SNRNP70: variants seen among roughly 807,000 people sequenced by gnomAD.
SNRNP70 encodes the protein small nuclear ribonucleoprotein U1 subunit 70.
In SNRNP70, 8 loss-of-function variants were observed where a neutral mutation model predicts 50.5. That is an observed-to-expected ratio of 0.16 (90% CI 0.09 to 0.29). The LOEUF (loss-of-function observed/expected upper bound fraction) is 0.29. SNRNP70 is among the 10% of genes least tolerant of loss of function. SNRNP70 has a pLI of 1.00. For missense variants in SNRNP70, 529 were observed against 663.5 expected (o/e 0.80, Z 2.23); for synonymous variants, 320 against 252.9 (o/e 1.27, Z -2.52).
intron 8 of SNRNP70, among the ~76,000 whole-genome samples, chr19:49,106,606 C>G (rs918687303): frequency 6.6e-6 from 1 of 152,128 alleles, no homozygotes; most frequent in Admixed American, 6.5e-5. Flanking sequence ...TCAGCCCTGC[C>G]TCACGGAAGC....
chr19:49,098,535 A>G, intron 5 of SNRNP70, 44 bp downstream of exon 5: 1 of 1,604,668 alleles, frequency 6.2e-7, no homozygotes. Flanking sequence ...CGCTGCTGAG[A>G]GCCTGGGTCT....
At chr19:49,096,909 C>T (rs1252654381) in intron 4 of SNRNP70, among the ~76,000 whole-genome samples, 1 of 151,972 alleles carries the variant, frequency 6.6e-6, no homozygotes, top group Non-Finnish European at 1.5e-5. Context: ...GAGGGCGGAT[C>T]ACCTGAGGTC....
Position 49,108,366 on chromosome 19 carries a change from A to T in SNRNP70, c.1237A>T (p.Met413Leu), listed in dbSNP as rs143538916. ...LEGLGNDSRD[M>L]YMESEGGDGY... ...GGGTCTGGGCAACGACAGCCGAGACATGTACATGGAGTCTGAGGGCGGCGA... is the reference window on the plus strand; with the variant it reads ...GGGTCTGGGCAACGACAGCCGAGACTTGTACATGGAGTCTGAGGGCGGCGA... Residue 413 changes from methionine (M) to leucine (L), a missense_variant, in exon 10 of 10, where the codon ATG becomes TTG. This residue lies in a region of SNRNP70 where 327 missense variants were observed against 308.8 expected (regional missense o/e 1.06). Transcript: ENST00000598441. 6.2e-7 allele frequency: 1 copy of T among 1,610,956 alleles called. No homozygotes were observed.
Position 49,107,522 on chromosome 19 carries a change from A to AGG in SNRNP70, c.578-100_578-99dup. ...GACCCGGCCCTGTGAACACTAAGCC[A>AGG]GGGGCTGCCTTCCTGCCCTTTGCTC... On this transcript the variant is annotated intron_variant, in intron 8 of 9. Transcript: ENST00000598441. This position sits in a 1 kb window ranked among gnomAD's most constrained non-coding sequence, Gnocchi z 6.0. 1 of 1,099,226 alleles carries AGG rather than the reference A, an allele frequency of 9.1e-7. No individual in the cohort carries two copies. The highest frequency in any genetic ancestry group is 1.4e-6 in the Non-Finnish European group (1 of 726,814). The allele number at this position is 1,099,226 out of a possible 1,614,324, so 68.1% of individuals were successfully genotyped here. A position where few individuals can be genotyped will look rare whatever the true frequency, so the allele number is the denominator to read the frequency against.
chr19:49,092,496 C>T (rs1444224825), intron 4 of SNRNP70, among the ~76,000 whole-genome samples: 1 of 151,770 alleles, frequency 6.6e-6, no homozygotes, highest in Non-Finnish European at 1.5e-5. Flanking sequence ...GCAACTTCCG[C>T]CTCCTGGGTT....
In SNRNP70 at chr19:49,085,474, G is replaced by A; in HGVS notation, c.-173G>A. On this transcript the variant is annotated 5_prime_UTR_variant, in exon 1 of 10. It adds an upstream start codon to the 5' untranslated region. Transcript: ENST00000598441. The stretch of plus-strand genomic sequence containing the variant: ...CCAGTCGCTATCGGAGGCCGCGCGG[G>A]TGGCTGAGCAGCGGCCTGGTGCGCT... The A allele has an allele frequency of 2.3e-6, 1 of 438,964 alleles. No homozygotes were observed. Among genetic ancestry groups the A allele is most frequent in the Admixed American group, 2.4e-5 (1 of 41,180 alleles). The allele number at this position is 438,964 out of a possible 1,614,324, so 27.2% of individuals were successfully genotyped here. A position where few individuals can be genotyped will look rare whatever the true frequency, so the allele number is the denominator to read the frequency against.
intron 7 of SNRNP70, 59 bp downstream of exon 7, chr19:49,101,530 G>GCCCCTCCCAGTATGT: frequency 8.2e-7 from 1 of 1,220,474 alleles, no homozygotes; most frequent in South Asian, 1.2e-5. Flanking sequence ...TGCTGCCCCA[G>GCCCCTCCCAGTATGT]CCCCTCCCAG....
chr19:49,091,221 T>C (rs916598482), intron 4 of SNRNP70, among the ~76,000 whole-genome samples: 1 of 151,748 alleles, frequency 6.6e-6, no homozygotes, highest in Non-Finnish European at 1.5e-5. Context: ...GTACAAAAAT[T>C]AGCTGGGCGT....
chr19:49,092,288 T>C (rs1208572148), intron 4 of SNRNP70, among the ~76,000 whole-genome samples: 2 of 151,488 alleles, frequency 1.3e-5, no homozygotes, highest in Non-Finnish European at 1.5e-5. Context: ...TTTGTATTTT[T>C]AGTAGAGGCG....
At position 49,108,217 on chromosome 19, in the gene SNRNP70, AGC is replaced by A; in HGVS notation, c.1090_1091del (p.Arg364AlafsTer7). The A allele has an allele frequency of 6.5e-7, 1 of 1,534,148 alleles. No individual in the cohort carries two copies. The highest frequency in any genetic ancestry group is 8.8e-7 in the Non-Finnish European group (1 of 1,139,616). On this transcript the variant is annotated frameshift_variant, in exon 10 of 10. Coordinates refer to ENST00000598441, the MANE Select transcript of SNRNP70 (RefSeq NM_003089.6). LOFTEE classifies it high-confidence loss of function. Reference sequence around the variant, plus strand: ...CGGCGGAGCCACCGGAGCGAGCGCGAGCGGCGCCGGGACCGGGATCGTGACCG... The same window carrying A: ...CGGCGGAGCCACCGGAGCGAGCGCGAGGCGCCGGGACCGGGATCGTGACCG...
chr19:49,093,539 C>T lies in SNRNP70; in HGVS notation c.265+3019C>T, dbSNP rs546018839. On this transcript the variant is annotated intron_variant, in intron 4 of 9. Transcript: ENST00000598441. ...GCTAAGAATACAAAAATTAGCCCGGCGTGGTGATGTGTACCTGTAATCCCA... is the reference window on the plus strand; with the variant it reads ...GCTAAGAATACAAAAATTAGCCCGGTGTGGTGATGTGTACCTGTAATCCCA... 1.6e-3 allele frequency among the ~76,000 whole-genome samples: 239 copies of T among 148,390 alleles called. 1 individual carries two copies. The highest frequency in any genetic ancestry group is 5.6e-3 in the African/African-American group (225 of 40,260).
At chr19:49,090,583 C>G in intron 4 of SNRNP70, 63 bp downstream of exon 4, 1 of 1,501,454 alleles carries the variant, frequency 6.7e-7, no homozygotes, top group Non-Finnish European at 9.3e-7. Context: ...CTTCCCAGGT[C>G]ATACCCAGGA....
At position 49,108,315 on chromosome 19, in the gene SNRNP70, G is replaced by T; in HGVS notation, c.1186G>T (p.Gly396Cys). The change falls in exon 10 of 10, where the codon GGC becomes TGC. Residue 396 changes from glycine to cysteine, a missense_variant. Physicochemically the swap from Gly to Cys is radical, Grantham distance 159. Coordinates refer to ENST00000598441, the MANE Select transcript of SNRNP70 (RefSeq NM_003089.6). ...ERGRDEARGGGGGQDNGLEGL... is the reference protein window; with the variant it reads ...ERGRDEARGGCGGQDNGLEGL... ...GGGCAGGGATGAGGCCCGAGGTGGG[G>T]GCGGTGGCCAGGACAACGGGCTGGA... 1 of 1,592,530 alleles carries T rather than the reference G, an allele frequency of 6.3e-7. No individual in the cohort carries two copies. The highest frequency in any genetic ancestry group is 8.5e-7 in the Non-Finnish European group (1 of 1,170,380).
At chr19:49,101,337 G>A in intron 6 of SNRNP70, 53 bp from the exon 7 acceptor site, 1 of 1,394,374 alleles carries the variant, frequency 7.2e-7, no homozygotes, top group Non-Finnish European at 1.0e-6. Context: ...TGGGGTTGGT[G>A]GGGCGGAGCC....
At chr19:49,101,369 C>T (rs376861489) in intron 6 of SNRNP70, 21 bp from the exon 7 acceptor site, 44 of 1,604,074 alleles carry the variant, frequency 2.7e-5, no homozygotes, top group African/African-American at 4.0e-5. Flanking sequence ...GGACTCACCC[C>T]TGTCCCCATG....
chr19:49,085,606 A>G lies in SNRNP70; in HGVS notation c.-41A>G, dbSNP rs1036402610. The G allele has an allele frequency of 2.2e-6, 1 of 455,944 alleles. No individual in the cohort carries two copies. The highest frequency in any genetic ancestry group is 4.4e-6 in the Non-Finnish European group (1 of 226,788). The allele number at this position is 455,944 out of a possible 1,614,324, so 28.2% of individuals were successfully genotyped here. ...TGCCGCAGCCGCCGCGAGCCTCCGG[A>G]CAGACGCCAGAGCGAGGAGGGCGCT... On this transcript the variant is annotated 5_prime_UTR_variant, in exon 1 of 10. Transcript: ENST00000598441.
intron 4 of SNRNP70, among the ~76,000 whole-genome samples, chr19:49,095,314 C>T (rs1196492654): frequency 1.3e-5 from 2 of 152,244 alleles, no homozygotes; most frequent in Non-Finnish European, 2.9e-5. Context: ...CTGTCATGCT[C>T]CACAGTAACT....
intron 4 of SNRNP70, among the ~76,000 whole-genome samples, chr19:49,095,004 G>A (rs1333487427): frequency 6.6e-6 from 1 of 152,250 alleles, no homozygotes; most frequent in African/African-American, 2.4e-5. Context: ...ATGTCCTGAG[G>A]GAGAGCTGCC....
chr19:49,105,679 TAGAGTC>T (rs1429764554), intron 8 of SNRNP70, among the ~76,000 whole-genome samples: 9 of 151,746 alleles, frequency 5.9e-5, no homozygotes, highest in East Asian at 1.9e-4. Flanking sequence ...TGAGCCAAGA[TAGAGTC>T]ACTGCATTCC....
Sources: gnomAD v4.1 joint callset for allele counts (sites outside exome capture counted in the v4.1 genomes callset) on GRCh38, gnomAD v4.1.1 for gene constraint, gnomAD v4.1.1 regional missense constraint, Gnocchi (gnomAD v3.1) non-coding constraint, MANE v1.5 for transcripts, NCBI Gene and HGNC (gene_info 2026-07-23, HGNC 2026-07-21) for gene names.